Variants in MARVELD2 observed in about 807,000 individuals in gnomAD.
MARVELD2 encodes the protein MARVEL domain-containing protein 2.
In MARVELD2, 49 loss-of-function variants were observed where a neutral mutation model predicts 57.6. The observed-to-expected ratio is 0.85, with a 90% CI of 0.68 to 1.08. The LOEUF (loss-of-function observed/expected upper bound fraction) is 1.08, where lower values mean the gene tolerates loss of function less well. Ranked by LOEUF, MARVELD2 falls within the 50% of genes least tolerant of loss-of-function variation. The pLI is 0.00. For synonymous variants in MARVELD2, 238 were observed against 258.8 expected (o/e 0.92, Z 0.77); for missense variants, 606 against 701.1 (o/e 0.86, Z 1.53).
At chr5:69,436,402 A>AAAACAC (rs1767138930) in intron 5 of MARVELD2, among the ~76,000 whole-genome samples, 1 of 123,826 alleles carries the variant, frequency 8.1e-6, no homozygotes, top group Admixed American at 8.8e-5. Flanking sequence ...TATGTATGGG[A>AAAACAC]ACACACACAC....
intron 3 of MARVELD2, among the ~76,000 whole-genome samples, chr5:69,427,169 T>A (rs1452376477): frequency 2.6e-5 from 4 of 152,200 alleles, no homozygotes; most frequent in Admixed American, 2.0e-4. Flanking sequence ...AAATAATAGA[T>A]ATAAGATCAC....
intron 5 of MARVELD2, among the ~76,000 whole-genome samples, chr5:69,436,329 C>G (rs948724489): frequency 6.6e-6 from 1 of 151,300 alleles, no homozygotes; most frequent in Non-Finnish European, 1.5e-5. Flanking sequence ...CCACTGCACT[C>G]CAGCCTGGGC....
At chr5:69,437,731 G>T (rs989296077) in intron 5 of MARVELD2, among the ~76,000 whole-genome samples, 1 of 151,914 alleles carries the variant, frequency 6.6e-6, no homozygotes, top group African/African-American at 2.4e-5. Flanking sequence ...TAATCTTTGA[G>T]CCAACACCCA....
Position 69,432,717 on chromosome 5 carries a change from G to A in MARVELD2, c.1331+42G>A, listed in dbSNP as rs299075. On this transcript the variant is annotated intron_variant, in intron 4 of 6. Coordinates refer to ENST00000325631, the MANE Select transcript of MARVELD2 (RefSeq NM_001038603.3). ...ATTCTTCCTCAAGGTAGAAGTTGAGGGGCCCCATTTGGTCCTTTCATTTTC... is the reference window on the plus strand; with the variant it reads ...ATTCTTCCTCAAGGTAGAAGTTGAGAGGCCCCATTTGGTCCTTTCATTTTC... 690,073 of 1,612,524 alleles carry A rather than the reference G, an allele frequency of 0.43. 154,419 individuals carry two copies. Among genetic ancestry groups the A allele is most frequent in the Non-Finnish European group, 0.47 (554,744 of 1,178,814 alleles).
At chr5:69,421,794 CTTTT>C (rs1409875482) in intron 2 of MARVELD2, among the ~76,000 whole-genome samples, 3 of 132,844 alleles carry the variant, frequency 2.3e-5, no homozygotes, top group African/African-American at 2.8e-5. Context: ...TCTTTTCTTT[CTTTT>C]TTTTTTTTTT....
chr5:69,423,362 A>G (rs1766687708), intron 2 of MARVELD2, among the ~76,000 whole-genome samples: 1 of 152,088 alleles, frequency 6.6e-6, no homozygotes, highest in Admixed American at 6.6e-5. Flanking sequence ...GGCTCAAGCA[A>G]TCTTCCCACC....
intron 5 of MARVELD2, among the ~76,000 whole-genome samples, chr5:69,437,178 G>C (rs1189582327): frequency 9.2e-5 from 10 of 108,634 alleles, no homozygotes; most frequent in African/African-American, 3.3e-4. Context: ...GACAGAGCAA[G>C]ACTTCATCTC....
chr5:69,428,619 ATT>A (rs1766866939), intron 3 of MARVELD2, among the ~76,000 whole-genome samples: 1 of 144,730 alleles, frequency 6.9e-6, no homozygotes. Context: ...AAGTCTTACA[ATT>A]AGGGATGGGC....
At chr5:69,440,537 C>G (rs776317680) in intron 6 of MARVELD2, 37 bp downstream of exon 6, 3 of 1,154,050 alleles carry the variant, frequency 2.6e-6, no homozygotes, top group Admixed American at 3.5e-5. Context: ...GTATTCTTAT[C>G]CAAGTACATA....
intron 2 of MARVELD2, among the ~76,000 whole-genome samples, chr5:69,422,315 G>T (rs906393490): frequency 2.0e-5 from 3 of 152,184 alleles, no homozygotes; most frequent in African/African-American, 7.2e-5. Context: ...TCTTTCAAAA[G>T]CAAATAGGAG....
chr5:69,416,539 G>T (rs1766430453), intron 1 of MARVELD2, among the ~76,000 whole-genome samples: 1 of 152,190 alleles, frequency 6.6e-6, no homozygotes, highest in African/African-American at 2.4e-5. Context: ...AGCTGGAGGG[G>T]TGGAGAATGA....
rs776264740 is a variant in MARVELD2 at position 69,441,596 on chromosome 5, A to G, written c.1619A>G (p.Lys540Arg). Residue 540 changes from lysine to arginine, a missense_variant, in exon 7 of 7, where the codon AAG becomes AGG. Coordinates refer to ENST00000325631, the MANE Select transcript of MARVELD2 (RefSeq NM_001038603.3). ...DYLKNKLSHI[K>R]QRIQEYDKVM... ...CTAAAGAATAAACTTTCTCACATAA[A>G]GCAAAGAATTCAAGAATATGATAAA... 3.1e-6 allele frequency: 5 copies of G among 1,601,770 alleles called. No individual in the cohort carries two copies. The highest frequency in any genetic ancestry group is 4.3e-6 in the Non-Finnish European group (5 of 1,169,370).
intron 3 of MARVELD2, among the ~76,000 whole-genome samples, chr5:69,430,429 T>A (rs1259506253): frequency 6.6e-6 from 1 of 152,202 alleles, no homozygotes; most frequent in African/African-American, 2.4e-5. Context: ...TTGCCCAGGC[T>A]GGTCTCAAAC....
chr5:69,437,915 G>C (rs896159862), intron 5 of MARVELD2, among the ~76,000 whole-genome samples: 2 of 152,128 alleles, frequency 1.3e-5, no homozygotes, highest in African/African-American at 2.4e-5. Context: ...ACAAGACAGG[G>C]CTTGTAAGTA....
Position 69,419,996 on chromosome 5 carries a change from G to C in MARVELD2, c.611G>C (p.Gly204Ala). ...RILGVVELLL[G>A]AGVFACVTAY... Reference sequence around the variant, plus strand: ...CTGGGTGTGGTGGAGCTGCTTTTGGGGGCCGGTGTCTTTGCTTGTGTCACA... The same window carrying C: ...CTGGGTGTGGTGGAGCTGCTTTTGGCGGCCGGTGTCTTTGCTTGTGTCACA... The change falls in exon 2 of 7, where the codon GGG becomes GCG. Residue 204 changes from glycine (G) to alanine (A), a missense_variant. Coordinates refer to ENST00000325631, the MANE Select transcript of MARVELD2 (RefSeq NM_001038603.3). 1 of 1,614,088 alleles carries C rather than the reference G, an allele frequency of 6.2e-7. No homozygotes were observed. The highest frequency in any genetic ancestry group is 2.2e-5 in the East Asian group (1 of 44,882).
intron 3 of MARVELD2, among the ~76,000 whole-genome samples, chr5:69,432,176 A>G (rs1310614039): frequency 6.6e-6 from 1 of 151,986 alleles, no homozygotes; most frequent in Non-Finnish European, 1.5e-5. Flanking sequence ...ACTCCCAGCT[A>G]ATTTTTGTAT....
chr5:69,420,079 G>T lies in MARVELD2; in HGVS notation c.694G>T (p.Gly232Cys), dbSNP rs758765481. Reference protein sequence around the residue: ...YNLFGYSQPYGMGGVGGLGSM... With the variant: ...YNLFGYSQPYCMGGVGGLGSM... Reference sequence around the variant, plus strand: ...CTTGTTTGGATATTCACAACCGTATGGCATGGGAGGCGTTGGTGGATTGGG... The same window carrying T: ...CTTGTTTGGATATTCACAACCGTATTGCATGGGAGGCGTTGGTGGATTGGG... The change falls in exon 2 of 7, where the codon GGC (glycine) becomes TGC (cysteine). Residue 232 changes from glycine (G) to cysteine (C), a missense_variant. Gly to Cys is a radical substitution (Grantham distance 159). Coordinates refer to ENST00000325631, the MANE Select transcript of MARVELD2 (RefSeq NM_001038603.3). 1 of 1,614,014 alleles carries T rather than the reference G, an allele frequency of 6.2e-7. No homozygotes were observed. Among genetic ancestry groups the T allele is most frequent in the Non-Finnish European group, 8.5e-7 (1 of 1,180,056 alleles).
intron 3 of MARVELD2, among the ~76,000 whole-genome samples, chr5:69,429,801 T>A (rs1766901948): frequency 6.8e-6 from 1 of 146,728 alleles, no homozygotes; most frequent in Admixed American, 6.9e-5. Flanking sequence ...CTATATGATC[T>A]CGCCACTGCA....
In MARVELD2 at chr5:69,444,209, C is replaced by G. The variant is rs767965457; in HGVS notation, c.*2555C>G. The G allele has an allele frequency of 2.6e-5, 4 of 151,994 alleles. No homozygotes were observed. The highest frequency in any genetic ancestry group is 5.9e-5 in the Non-Finnish European group (4 of 68,012). The allele number at this position is 151,994 out of a possible 1,614,324, so 9.4% of individuals were successfully genotyped here. On this transcript the variant is annotated 3_prime_UTR_variant, in exon 7 of 7. Coordinates refer to ENST00000325631, the MANE Select transcript of MARVELD2 (RefSeq NM_001038603.3). ...CTAGGTGCATTAAAGTTTCAGTCAC[C>G]TGCCGTGTGTGTGTGTGCCCTTTTA...
Sources: allele counts gnomAD v4.1 joint callset (sites outside exome capture counted in the v4.1 genomes callset), GRCh38; gene constraint gnomAD v4.1.1; transcripts MANE v1.5; gene names NCBI Gene and HGNC (gene_info 2026-07-23, HGNC 2026-07-21).